The following GPI variants were observed in gnomAD, a reference collection of about 807,000 sequenced individuals.
GPI encodes the protein D-hexose-6-phosphate anomerase.
A neutral mutation model predicts 75.8 loss-of-function variants in GPI; 56 were observed. The ratio of observed to expected loss-of-function variants is 0.74; its 90% CI spans 0.60 to 0.92. The LOEUF is 0.92. GPI is among the 40% of genes least tolerant of loss of function. GPI has a pLI of 0.00. For synonymous variants in GPI, 288 were observed against 285.4 expected (o/e 1.01, Z -0.09); for missense variants, 638 against 741.0 (o/e 0.86, Z 1.61).
chr19:34,385,552 G>C (rs1361630012), intron 9 of GPI, among the ~76,000 whole-genome samples: 1 of 152,156 alleles, frequency 6.6e-6, no homozygotes, highest in African/African-American at 2.4e-5. Context: ...CAGGTGTGTA[G>C]AACAGGGTTT....
chr19:34,371,630 C>T (rs566477593), intron 4 of GPI, among the ~76,000 whole-genome samples: 66 of 151,584 alleles, frequency 4.4e-4, no homozygotes, highest in Admixed American at 3.0e-3. Context: ...GTGGGTGGAT[C>T]ACGAGGTCAG....
At chr19:34,365,113 C>CGGGGCCGGGGCTCAGGGGT, upstream of GPI, 1 of 859,180 alleles carries the variant, frequency 1.2e-6, no homozygotes, top group Non-Finnish European at 1.5e-6. Context: ...GGGTCGGGGG[C>CGGGGCCGGGGCTCAGGGGT]GGGGCCGGGG....
chr19:34,366,223 CCG>C (rs2074362063), intron 1 of GPI, 120 bp from the exon 2 acceptor site: 3 of 753,364 alleles, frequency 4.0e-6, no homozygotes, highest in African/African-American at 3.4e-5. Flanking sequence ...TGCTGGGTGG[CCG>C]CGGCCCTTGT....
chr19:34,383,275 G>A (rs926766885), intron 9 of GPI, among the ~76,000 whole-genome samples: 1 of 152,194 alleles, frequency 6.6e-6, no homozygotes, highest in Non-Finnish European at 1.5e-5. Context: ...TTCTGAAGAG[G>A]AGCCAGGACA....
At chr19:34,364,991 C>A (rs752119540), upstream of GPI, 1 of 1,532,560 alleles carries the variant, frequency 6.5e-7, no homozygotes, top group South Asian at 1.2e-5. Context: ...CACTTCCGGG[C>A]AGAGGCCAGC....
chr19:34,380,322 C>CA (rs1292193968), intron 8 of GPI, among the ~76,000 whole-genome samples: 1 of 146,698 alleles, frequency 6.8e-6, no homozygotes, highest in Non-Finnish European at 1.5e-5. Context: ...GTCACTCTGT[C>CA]ACTCAGGCTA....
intron 12 of GPI, among the ~76,000 whole-genome samples, chr19:34,395,930 CT>C (rs397974365): frequency 0.017 from 2,342 of 138,660 alleles, 15 homozygotes; most frequent in South Asian, 0.028. Context: ...CTTTCTTTTC[CT>C]TTTTTTTTTT....
At chr19:34,381,380 C>T (rs2074648682) in intron 8 of GPI, 86 bp from the exon 9 acceptor site, 5 of 909,360 alleles carry the variant, frequency 5.5e-6, no homozygotes, top group African/African-American at 1.6e-5. Context: ...TCACGGAGCA[C>T]AGCTCCCTGC....
upstream of GPI, among the ~76,000 whole-genome samples, chr19:34,364,536 T>G (rs1414228275): frequency 6.6e-6 from 1 of 151,926 alleles, no homozygotes; most frequent in African/African-American, 2.4e-5. Context: ...CAGGCCCGGC[T>G]AATTTTTGCA....
intron 9 of GPI, chr19:34,392,206 C>CAAGTATGAGGAT (rs1399595372): frequency 7.0e-4 from 17 of 24,116 alleles, no homozygotes; most frequent in East Asian, 1.4e-3. Flanking sequence ...GGATCTGGCC[C>CAAGTATGAGGAT]CCTTATGAGG....
intron 4 of GPI, among the ~76,000 whole-genome samples, chr19:34,373,681 T>C (rs1480346692): frequency 1.3e-5 from 2 of 152,164 alleles, no homozygotes; most frequent in Non-Finnish European, 2.9e-5. Context: ...ACCGTCTCTT[T>C]ATGTGGGGAA....
upstream of GPI, among the ~76,000 whole-genome samples, chr19:34,364,384 C>CTTT (rs555720207): frequency 6.5e-5 from 9 of 139,404 alleles, no homozygotes; most frequent in African/African-American, 1.1e-4. Flanking sequence ...CTGACCTCAT[C>CTTT]TTTTTTTTTT....
At chr19:34,399,005 A>G in intron 14 of GPI, 1 of 490,576 alleles carries the variant, frequency 2.0e-6, no homozygotes, top group East Asian at 3.8e-5. Context: ...GCGCCTGGCC[A>G]CTGGTGTGTA....
chr19:34,383,124 G>A (rs8191398), intron 9 of GPI, among the ~76,000 whole-genome samples: 3,472 of 152,222 alleles, frequency 0.023, 50 homozygotes, highest in Non-Finnish European at 0.036. Context: ...CCAGTTTTGC[G>A]GCAGCCATGG....
In GPI at chr19:34,402,044, C is replaced by G. The variant is rs927161201; in HGVS notation, c.*2008C>G. 1 of 151,286 alleles carries G rather than the reference C, an allele frequency of 6.6e-6. No individual in the cohort carries two copies. Among genetic ancestry groups the G allele is most frequent in the Non-Finnish European group, 1.5e-5 (1 of 67,850 alleles). The allele number at this position is 151,286 out of a possible 1,614,324, so 9.4% of individuals were successfully genotyped here. ...CAGGATGGTCTTGATCTCCTGACCT[C>G]ATGATCCGCCTGCTTTGGCCTCCCA... On this transcript the variant is annotated 3_prime_UTR_variant, in exon 18 of 18. Transcript: ENST00000356487.
intron 4 of GPI, among the ~76,000 whole-genome samples, chr19:34,372,181 T>G (rs773073522): frequency 2.0e-5 from 3 of 152,180 alleles, no homozygotes; most frequent in African/African-American, 4.8e-5. Context: ...TCCACCCACC[T>G]TGGCCTCCCA....
rs1599813366 is a variant in GPI, at chr19:34,372,190, C to G, written c.402+3488C>G. Among the ~76,000 whole-genome samples the G allele has an allele frequency of 2.0e-5, 3 of 152,154 alleles. No homozygotes were observed. In the East Asian group the frequency reaches 5.8e-4, roughly 30 times the overall value. ...AGGTGATCCACCCACCTTGGCCTCC[C>G]AGAGTCCTGGGATTACAGGCATGAG... On this transcript the variant is annotated intron_variant, in intron 4 of 17. Transcript: ENST00000356487.
chr19:34,372,697 C>T (rs868830948), intron 4 of GPI, among the ~76,000 whole-genome samples: 1 of 152,150 alleles, frequency 6.6e-6, no homozygotes, highest in South Asian at 2.1e-4. Context: ...ATAATCCCAG[C>T]ATTTTGGAAG....
At chr19:34,365,410 G>A (rs1489056321) in intron 1 of GPI, 22 bp downstream of exon 1, 3 of 1,558,424 alleles carry the variant, frequency 1.9e-6, no homozygotes, top group Non-Finnish European at 2.6e-6. Context: ...CCGGAGGCGG[G>A]GGCTGCCACG....
Sources: gnomAD v4.1 joint callset for allele counts (sites outside exome capture counted in the v4.1 genomes callset) on GRCh38, gnomAD v4.1.1 for gene constraint, MANE v1.5 for transcripts, NCBI Gene and HGNC (gene_info 2026-07-23, HGNC 2026-07-21) for gene names.